CDON: variants seen among roughly 807,000 people sequenced by gnomAD.
CDON encodes cell adhesion associated, oncogene regulated.
In CDON, 73 loss-of-function variants were observed where a neutral mutation model predicts 120.9. That is an observed-to-expected ratio of 0.60 (90% CI 0.50 to 0.73). The LOEUF is 0.73. Ranked by LOEUF, CDON falls within the 30% of genes least tolerant of loss-of-function variation. CDON has a pLI of 0.00. For synonymous variants in CDON, 566 were observed against 573.5 expected, an observed-to-expected ratio of 0.99 and a Z score of 0.19; for missense variants, 1,470 against 1,587.3, an observed-to-expected ratio of 0.93 and a Z score of 1.26.
chr11:126,055,207 A>AT (rs1364002741), intron 1 of CDON, among the ~76,000 whole-genome samples: 1 of 152,064 alleles, frequency 6.6e-6, no homozygotes, highest in Non-Finnish European at 1.5e-5. Context: ...TTGCAAAGGC[A>AT]TTTTTTTCAT....
At chr11:126,047,589 C>T (rs2134882230) in intron 1 of CDON, among the ~76,000 whole-genome samples, 1 of 152,326 alleles carries the variant, frequency 6.6e-6, no homozygotes. Flanking sequence ...CAGTAAGTAC[C>T]TAGCAAGTGC....
chr11:125,973,018 C>CTTTTTTTTGTTTTTTTTTTTTTTTT (rs1946047376), intron 18 of CDON, among the ~76,000 whole-genome samples: 1 of 87,070 alleles, frequency 1.1e-5, no homozygotes, highest in Non-Finnish European at 2.2e-5. Context: ...ATTACTTGGT[C>CTTTTTTTTGTTTTTTTTTTTTTTTT]TTTTTTTTTT....
intron 18 of CDON, among the ~76,000 whole-genome samples, chr11:125,976,976 T>C (rs1323335728): frequency 2.0e-5 from 3 of 152,218 alleles, no homozygotes; most frequent in Non-Finnish European, 4.4e-5. Flanking sequence ...AACCAAGATC[T>C]GCTGATGACC....
chr11:126,015,347 T>A lies in CDON; in HGVS notation c.1092A>T (p.Gly364=). ...CCACAGTAACCCCACTGATTTTCAG[T>A]CCGTTTCCTGCAGTTAGATGTCGTG... ...PSARHLTAGN[G]LKISGVTVED... Residue 364 remains glycine (G), a synonymous_variant, in exon 7 of 20, where the codon GGA becomes GGT. Coordinates refer to ENST00000531738, the MANE Select transcript of CDON (RefSeq NM_001378964.1). 2 of 1,614,126 alleles carry A rather than the reference T, an allele frequency of 1.2e-6. No homozygotes were observed. Among genetic ancestry groups the A allele is most frequent in the Middle Eastern group, 1.6e-4 (1 of 6,062 alleles).
At chr11:126,020,002 T>C (rs1410672576) in intron 3 of CDON, among the ~76,000 whole-genome samples, 1 of 150,944 alleles carries the variant, frequency 6.6e-6, no homozygotes, top group African/African-American at 2.4e-5. Context: ...AGCCAAGCAG[T>C]GGAGAGCCAC....
intron 8 of CDON, among the ~76,000 whole-genome samples, chr11:126,007,372 G>T (rs867640931): frequency 5.9e-5 from 9 of 152,324 alleles, no homozygotes; most frequent in South Asian, 4.1e-4. Flanking sequence ...AAATAATGTA[G>T]AAGAAAACTA....
chr11:126,001,553 G>T (rs1280896008), intron 11 of CDON, among the ~76,000 whole-genome samples, 166 bp downstream of exon 11: 2 of 152,092 alleles, frequency 1.3e-5, no homozygotes, highest in African/African-American at 4.8e-5. Flanking sequence ...ATGATACTGA[G>T]ATGCTAAAGT....
At chr11:126,033,953 G>T (rs935579858) in intron 1 of CDON, among the ~76,000 whole-genome samples, 11 of 152,112 alleles carry the variant, frequency 7.2e-5, no homozygotes, top group Admixed American at 1.3e-4. Context: ...TCCATAGGAG[G>T]AACATATAAA....
intron 18 of CDON, among the ~76,000 whole-genome samples, chr11:125,971,165 C>G (rs1003008885): frequency 6.6e-6 from 1 of 152,090 alleles, no homozygotes; most frequent in African/African-American, 2.4e-5. Flanking sequence ...GGGCGGATCA[C>G]GAGGTCAGGA....
At chr11:126,000,378 T>G (rs913584712) in intron 11 of CDON, among the ~76,000 whole-genome samples, 1 of 151,176 alleles carries the variant, frequency 6.6e-6, no homozygotes, top group Non-Finnish European at 1.5e-5. Flanking sequence ...TGGCTACTTT[T>G]AAAATTTTTT....
chr11:126,021,587 C>T lies in CDON; in HGVS notation c.77-67G>A, dbSNP rs75316684. On this transcript the variant is annotated intron_variant, in intron 2 of 19. Coordinates refer to ENST00000531738, the MANE Select transcript of CDON (RefSeq NM_001378964.1). ...AAAAGAGGAGAGAGAAAGAAGATTA[C>T]ATTAAACACATTTCATCTGTATCTT... The T allele has an allele frequency of 4.9e-3, 6,327 of 1,304,266 alleles. 225 individuals carry two copies. The African/African-American group carries it at 0.08, about 16-fold the overall frequency. 80.8% of individuals were successfully genotyped at this position (1,304,266 alleles called of 1,614,324 possible). A position where few individuals can be genotyped will look rare whatever the true frequency, so the allele number is the denominator to read the frequency against.
chr11:126,060,015 C>A (rs181234722), intron 1 of CDON, among the ~76,000 whole-genome samples: 8 of 151,676 alleles, frequency 5.3e-5, no homozygotes, highest in African/African-American at 1.7e-4. Flanking sequence ...ATTCCATACA[C>A]CATCCCTTCT....
At chr11:125,990,969 G>T (rs1464584978) in intron 14 of CDON, among the ~76,000 whole-genome samples, 1 of 152,146 alleles carries the variant, frequency 6.6e-6, no homozygotes, top group Non-Finnish European at 1.5e-5. Flanking sequence ...GAATAGATCT[G>T]TCTCTGAAAT....
intron 1 of CDON, among the ~76,000 whole-genome samples, chr11:126,058,084 C>T (rs1408888725): frequency 1.3e-5 from 2 of 152,180 alleles, no homozygotes; most frequent in African/African-American, 2.4e-5. Context: ...TCTATGTCAG[C>T]GTCCAAATTC....
In CDON at chr11:126,017,216, T is replaced by C. The variant is rs766151030; in HGVS notation, c.800A>G (p.Asn267Ser). The C allele has an allele frequency of 1.2e-6, 2 of 1,614,166 alleles. No homozygotes were observed. Among genetic ancestry groups the C allele is most frequent in the African/African-American group, 1.3e-5 (1 of 75,032 alleles). The change falls in exon 6 of 20, where the codon AAC (asparagine) becomes AGC (serine). Residue 267 changes from asparagine to serine, a missense_variant. Physicochemically the swap from Asn to Ser is conservative, Grantham distance 46. Coordinates refer to ENST00000531738, the MANE Select transcript of CDON (RefSeq NM_001378964.1). The stretch of plus-strand genomic sequence containing the variant: ...AAGATGAGAATACAACCTTCTCCAG[T>C]TGCTTCCTGGTGCAATGTCCTGCCC... ...KDGQDIAPGSNWRRLYSHLAT... is the reference protein window; with the variant it reads ...KDGQDIAPGSSWRRLYSHLAT...
At chr11:126,042,372 G>C (rs1948284776) in intron 1 of CDON, among the ~76,000 whole-genome samples, 1 of 152,178 alleles carries the variant, frequency 6.6e-6, no homozygotes, top group Non-Finnish European at 1.5e-5. Flanking sequence ...TGGGTCACCT[G>C]TAAGTGGCAA....
At chr11:125,970,124 A>T (rs910239961) in intron 18 of CDON, among the ~76,000 whole-genome samples, 1 of 149,812 alleles carries the variant, frequency 6.7e-6, no homozygotes, top group African/African-American at 2.5e-5. Flanking sequence ...GTTCTCATGC[A>T]TATATTCTTG....
intron 7 of CDON, chr11:126,014,976 G>A (rs903196444): frequency 3.6e-5 from 17 of 474,336 alleles, no homozygotes; most frequent in African/African-American, 2.5e-4. Flanking sequence ...ATAAGAGTAA[G>A]AGAGAGATTG....
chr11:125,977,445 CA>C (rs1161672528), intron 18 of CDON, among the ~76,000 whole-genome samples: 1 of 152,094 alleles, frequency 6.6e-6, no homozygotes, highest in Admixed American at 6.6e-5. Context: ...ATATATAGGT[CA>C]AACATCATTT....
Sources: gnomAD v4.1 joint callset for allele counts (sites outside exome capture counted in the v4.1 genomes callset) on GRCh38, gnomAD v4.1.1 for gene constraint, MANE v1.5 for transcripts, NCBI Gene and HGNC (gene_info 2026-07-23, HGNC 2026-07-21) for gene names.